NBEAL1: variants seen among roughly 807,000 people sequenced by gnomAD.
The protein encoded by NBEAL1 is neurobeachin like 1.
In NBEAL1, 273 loss-of-function variants were observed where a neutral mutation model predicts 351.3. That is an observed-to-expected ratio of 0.78 (90% CI 0.70 to 0.86). NBEAL1 has a LOEUF of 0.86. NBEAL1 is among the 40% of genes least tolerant of loss of function. The probability of loss-of-function intolerance (pLI) is 0.00; values close to 1 mark genes in which losing one functional copy is unlikely to be tolerated. For synonymous variants in NBEAL1, 1,050 were observed against 1,086.4 expected (o/e 0.97, Z 0.66); for missense variants, 2,961 against 3,201.3 (o/e 0.92, Z 1.81).
At chr2:203,215,206 A>T (rs1304295701) in intron 55 of NBEAL1, among the ~76,000 whole-genome samples, 1 of 152,136 alleles carries the variant, frequency 6.6e-6, no homozygotes, top group African/African-American at 2.4e-5. Context: ...AAATACAAAA[A>T]TTAGCCGGGT....
At chr2:203,172,634 C>A in intron 40 of NBEAL1, 95 bp from the exon 41 acceptor site, 1 of 1,039,292 alleles carries the variant, frequency 9.6e-7, no homozygotes, top group South Asian at 2.4e-5. Context: ...TAGAGACTAT[C>A]CCTTTTTGTC....
Position 203,219,189 on chromosome 2 carries a change from A to G in NBEAL1, c.*1835A>G, listed in dbSNP as rs1030461722. ...AGGAGATTTCAAGTCGGCAGAACTA[A>G]CATGATTGATTTTTAGTTTTTAAAA... On this transcript the variant is annotated 3_prime_UTR_variant, in exon 56 of 56. Transcript: ENST00000683969. The G allele has an allele frequency of 6.6e-6, 1 of 152,102 alleles. No homozygotes were observed. Among genetic ancestry groups the G allele is most frequent in the African/African-American group, 2.4e-5 (1 of 41,400 alleles). The allele number at this position is 152,102 out of a possible 1,614,324, so 9.4% of individuals were successfully genotyped here. A position where few individuals can be genotyped will look rare whatever the true frequency, so the allele number is the denominator to read the frequency against.
In NBEAL1 at chr2:203,223,540, G is replaced by A. The variant is rs1041255516; in HGVS notation, c.*6186G>A. On this transcript the variant is annotated 3_prime_UTR_variant, in exon 56 of 56. Transcript: ENST00000683969. ...CGGCTTGTAATGCTGTTACAATGTA[G>A]CATTGTAATGTAAGATGAAGAAAAA... Among the ~76,000 whole-genome samples, 2 of 151,978 alleles carry A rather than the reference G, an allele frequency of 1.3e-5. No individual in the cohort carries two copies. The highest frequency in any genetic ancestry group is 4.8e-5 in the African/African-American group (2 of 41,414).
At chr2:203,083,583 A>G (rs1445582997) in intron 9 of NBEAL1, 58 bp downstream of exon 9, 2 of 1,328,310 alleles carry the variant, frequency 1.5e-6, no homozygotes, top group Admixed American at 2.8e-5. Context: ...CATATCTACC[A>G]CTTTCTTTTG....
intron 42 of NBEAL1, among the ~76,000 whole-genome samples, chr2:203,178,917 C>T (rs890876841): frequency 2.0e-5 from 3 of 152,128 alleles, no homozygotes; most frequent in Non-Finnish European, 4.4e-5. Flanking sequence ...CCACTTAAAA[C>T]GAGCAATTTA....
chr2:203,202,545 A>G (rs2060388), intron 50 of NBEAL1, 142 bp from the exon 51 acceptor site: 570,128 of 609,296 alleles, frequency 0.94, 268,533 homozygotes, highest in Non-Finnish European at 0.96. Flanking sequence ...CTCTTCCCCA[A>G]TGCTTTTCCA....
chr2:203,096,233 A>G (rs2062180761), intron 10 of NBEAL1, among the ~76,000 whole-genome samples: 1 of 152,248 alleles, frequency 6.6e-6, no homozygotes, highest in African/African-American at 2.4e-5. Context: ...CTGCAGAACC[A>G]AAATTCAAAC....
intron 3 of NBEAL1, among the ~76,000 whole-genome samples, chr2:203,046,638 A>G (rs1036096335): frequency 1.4e-4 from 22 of 152,250 alleles, no homozygotes; most frequent in Admixed American, 2.6e-4. Flanking sequence ...GTGTCCTTAC[A>G]CAGCAGAGGG....
chr2:203,047,709 GA>G (rs1371139922), intron 3 of NBEAL1, among the ~76,000 whole-genome samples: 1 of 151,454 alleles, frequency 6.6e-6, no homozygotes, highest in African/African-American at 2.4e-5. Context: ...AATAGTGAGA[GA>G]AGTTGCAGTC....
At chr2:203,096,970 C>T (rs1359665411) in intron 10 of NBEAL1, among the ~76,000 whole-genome samples, 1 of 152,100 alleles carries the variant, frequency 6.6e-6, no homozygotes, top group Non-Finnish European at 1.5e-5. Flanking sequence ...TAAAGACATA[C>T]CGGAGACTGG....
chr2:203,206,164 A>G (rs1286144637), intron 51 of NBEAL1, among the ~76,000 whole-genome samples: 1 of 152,236 alleles, frequency 6.6e-6, no homozygotes, highest in East Asian at 1.9e-4. Context: ...AAGATCAAAC[A>G]TGAAATGATA....
At chr2:203,108,863 A>G (rs890243322) in intron 14 of NBEAL1, among the ~76,000 whole-genome samples, 5 of 152,232 alleles carry the variant, frequency 3.3e-5, no homozygotes, top group Admixed American at 2.0e-4. Flanking sequence ...CCTGGGCAAC[A>G]TGGCAAAACC....
chr2:203,155,432 T>G lies in NBEAL1; in HGVS notation c.5588-2267T>G, dbSNP rs116373165. Among the ~76,000 whole-genome samples the G allele has an allele frequency of 6.7e-3, 1,018 of 151,990 alleles. 7 individuals are homozygous for G. The highest frequency in any genetic ancestry group is 0.01 in the Non-Finnish European group (690 of 67,954). On this transcript the variant is annotated intron_variant, in intron 35 of 55. Transcript: ENST00000683969. ...TTTCTTTCCTTCTTTCTTTTCCTTT[T>G]TTTGTTTGTTTGTTTGTTTTGTGAG...
intron 35 of NBEAL1, among the ~76,000 whole-genome samples, chr2:203,156,539 T>C (rs2063803237): frequency 6.6e-6 from 1 of 152,260 alleles, no homozygotes; most frequent in African/African-American, 2.4e-5. Context: ...TTAAATGTTT[T>C]AACAATAAAT....
intron 24 of NBEAL1, among the ~76,000 whole-genome samples, chr2:203,129,811 A>G (rs973408647): frequency 6.6e-6 from 1 of 152,222 alleles, no homozygotes; most frequent in Non-Finnish European, 1.5e-5. Flanking sequence ...TCATATGGAT[A>G]AAAGAGGATA....
At chr2:203,213,480 C>G in intron 54 of NBEAL1, 38 bp from the exon 55 acceptor site, 2 of 1,527,816 alleles carry the variant, frequency 1.3e-6, no homozygotes, top group South Asian at 2.3e-5. Flanking sequence ...CATTATAAAT[C>G]CGTGTAATTA....
Position 203,094,635 on chromosome 2 carries a change from A to G in NBEAL1, c.1099-2912A>G, listed in dbSNP as rs2062141193. On this transcript the variant is annotated intron_variant, in intron 10 of 55. Transcript: ENST00000683969. ...GTTGATTTCCGTAAGTATTTGTGTA[A>G]AGGCTTCTCGGCTTGGCAAATGAGT... is the stretch of plus-strand genomic sequence containing the variant. Among the ~76,000 whole-genome samples, 4 of 152,310 alleles carry G rather than the reference A, an allele frequency of 2.6e-5. No individual in the cohort carries two copies. In the South Asian group the frequency reaches 8.3e-4, roughly 32 times the overall value.
At chr2:203,017,786 A>G (rs2060705088) in intron 2 of NBEAL1, among the ~76,000 whole-genome samples, 1 of 152,112 alleles carries the variant, frequency 6.6e-6, no homozygotes. Context: ...CAGATAGTAT[A>G]GTTCATTGGC....
chr2:203,150,432 A>G (rs2063619447), intron 34 of NBEAL1, among the ~76,000 whole-genome samples: 1 of 151,886 alleles, frequency 6.6e-6, no homozygotes, highest in African/African-American at 2.4e-5. Flanking sequence ...AAGAATGTAT[A>G]TATAAATATA....
Sources: gnomAD v4.1 joint callset for allele counts (sites outside exome capture counted in the v4.1 genomes callset) on GRCh38, gnomAD v4.1.1 for gene constraint, MANE v1.5 for transcripts, NCBI Gene and HGNC (gene_info 2026-07-23, HGNC 2026-07-21) for gene names.